USP13: variants seen among roughly 807,000 people sequenced by gnomAD.
The protein encoded by USP13 is ubiquitin specific peptidase 13, also known as ubiquitin carboxyl-terminal hydrolase 13.
In USP13, 68 loss-of-function variants were observed where a neutral mutation model predicts 107.8. The ratio of observed to expected loss-of-function variants is 0.63; its 90% CI spans 0.52 to 0.77. The LOEUF is 0.77. Among genes scored for constraint, USP13 ranks in the 30% least tolerant of loss-of-function variants. The pLI, the probability that USP13 is intolerant of heterozygous loss-of-function variation, is 0.00. For missense variants in USP13, 945 were observed against 1,093.3 expected (o/e 0.86, Z 1.91); for synonymous variants, 377 against 389.5 (o/e 0.97, Z 0.38).
intron 2 of USP13, 48 bp downstream of exon 2, chr3:179,682,051 C>T: frequency 1.3e-6 from 2 of 1,567,818 alleles, no homozygotes; most frequent in Non-Finnish European, 1.7e-6. Context: ...TTCCCTGTAA[C>T]GTTGTCTCAG....
At chr3:179,772,990 C>A (rs980064281) in intron 19 of USP13, among the ~76,000 whole-genome samples, 1 of 152,180 alleles carries the variant, frequency 6.6e-6, no homozygotes, top group Admixed American at 6.5e-5. Context: ...TCAGAGAGGG[C>A]ATGAGGGGAA....
At position 179,704,989 on chromosome 3, in the gene USP13, G is replaced by A. The variant is rs111435646; in HGVS notation, c.478-1945G>A. ...CACTCTGGCTGCTATGCAGAGAAGAGGGGCAGGGCTAGAGGGAAGGCCACG... is the reference window on the plus strand; with the variant it reads ...CACTCTGGCTGCTATGCAGAGAAGAAGGGCAGGGCTAGAGGGAAGGCCACG... On this transcript the variant is annotated intron_variant, in intron 4 of 20. Coordinates refer to ENST00000263966, the MANE Select transcript of USP13 (RefSeq NM_003940.3). Among the ~76,000 whole-genome samples the A allele has an allele frequency of 2.1e-3, 322 of 152,250 alleles. 3 individuals carry two copies. The highest frequency in any genetic ancestry group is 7.6e-3 in the African/African-American group (314 of 41,532).
At chr3:179,662,102 G>C (rs1438019515) in intron 1 of USP13, among the ~76,000 whole-genome samples, 1 of 152,168 alleles carries the variant, frequency 6.6e-6, no homozygotes, top group Non-Finnish European at 1.5e-5. Context: ...CTTCCTGCCT[G>C]TAATACCTGA....
chr3:179,682,012 G>A lies in USP13; in HGVS notation c.294+9G>A. On this transcript the variant is annotated intron_variant, in intron 2 of 20. Transcript: ENST00000263966. ...AAAGACATGTGCGAGAGGTGAGAGC[G>A]GCACTTTCAGAGAACTGGCCTTGAT... 1.9e-6 allele frequency: 3 copies of A among 1,608,412 alleles called. No individual in the cohort carries two copies. The highest frequency in any genetic ancestry group is 2.5e-6 in the Non-Finnish European group (3 of 1,176,776).
In USP13 at chr3:179,730,711, T is replaced by A; in HGVS notation, c.1254+2T>A. On this transcript the variant is annotated splice_donor_variant, in intron 10 of 20. Coordinates refer to ENST00000263966, the MANE Select transcript of USP13 (RefSeq NM_003940.3). LOFTEE classifies it high-confidence loss of function. The stretch of plus-strand genomic sequence containing the variant: ...CAGGTGATGAAGGAGGAGCACAAGG[T>A]ATGTGTCCGAGCGTTTGCCATGTTG... 6.2e-7 allele frequency: 1 copy of A among 1,613,772 alleles called. No individual in the cohort carries two copies.
In USP13 at chr3:179,787,094, G is replaced by A. The variant is rs569573140; in HGVS notation, c.*2953G>A. The A allele has an allele frequency of 2.0e-5, 3 of 152,310 alleles. No individual in the cohort carries two copies. Among genetic ancestry groups the A allele is most frequent in the East Asian group, 1.9e-4 (1 of 5,182 alleles). The allele number at this position is 152,310 out of a possible 1,614,324, so 9.4% of individuals were successfully genotyped here. On this transcript the variant is annotated 3_prime_UTR_variant, in exon 21 of 21. Coordinates refer to ENST00000263966, the MANE Select transcript of USP13 (RefSeq NM_003940.3). ...TGTGTTAGTGACACTTTACATCAACGTTGCTTCAATATTTTGGAATTGACC... is the reference window on the plus strand; with the variant it reads ...TGTGTTAGTGACACTTTACATCAACATTGCTTCAATATTTTGGAATTGACC...
chr3:179,778,734 C>T (rs1342843376), intron 19 of USP13, among the ~76,000 whole-genome samples: 1 of 151,848 alleles, frequency 6.6e-6, no homozygotes, highest in Non-Finnish European at 1.5e-5. Flanking sequence ...CCATTGCATT[C>T]CAGCCTGGGT....
rs1054455459 is a variant in USP13 at position 179,653,985 on chromosome 3, G to A, written c.168+592G>A. 6.6e-6 allele frequency among the ~76,000 whole-genome samples: 1 copy of A among 151,924 alleles called. No individual in the cohort carries two copies. The highest frequency in any genetic ancestry group is 1.5e-5 in the Non-Finnish European group (1 of 67,970). On this transcript the variant is annotated intron_variant, in intron 1 of 20. Coordinates refer to ENST00000263966, the MANE Select transcript of USP13 (RefSeq NM_003940.3). This position sits in a 1 kb window ranked among gnomAD's most constrained non-coding sequence, Gnocchi z 4.0. ...CACTTTTTAAGAGGCGGAGGCGGGC[G>A]GATCGTTTGAGGTCAGGAGTTCGAG...
intron 13 of USP13, among the ~76,000 whole-genome samples, chr3:179,745,544 T>G (rs1714376976): frequency 6.6e-6 from 1 of 151,150 alleles, no homozygotes; most frequent in South Asian, 2.1e-4. Context: ...CTTCCTTCCT[T>G]CCTCCTTCCC....
Position 179,719,955 on chromosome 3 carries a change from A to C in USP13, c.821A>C (p.Gln274Pro), listed in dbSNP as rs1222541085. The C allele has an allele frequency of 6.2e-7, 1 of 1,613,874 alleles. No homozygotes were observed. The highest frequency in any genetic ancestry group is 1.7e-5 in the Admixed American group (1 of 59,960). ...CATCCGCTAGATGTTTATTCTTTTC[A>C]AGAAGAAGAACCTGTTTTGGATCCT... ...TPDGADVYSFQEEEPVLDPHL... is the reference protein window; with the variant it reads ...TPDGADVYSFPEEEPVLDPHL... Residue 274 changes from glutamine to proline, a missense_variant, in exon 7 of 21, where the codon CAA becomes CCA. Physicochemically the swap from Gln to Pro is moderately conservative, Grantham distance 76. Transcript: ENST00000263966.
rs139686044 is a variant in USP13, at chr3:179,749,711, C to T, written c.1710-2574C>T. On this transcript the variant is annotated intron_variant, in intron 13 of 20. Transcript: ENST00000263966. ...CTACTTTCTGGTACTTTTAGATTGG[C>T]GGCTACCTATAACACAGTGATGTGT... 3.5e-4 allele frequency among the ~76,000 whole-genome samples: 53 copies of T among 152,250 alleles called. 2 individuals carry two copies. The East Asian group carries it at 6.0e-3, about 17-fold the overall frequency.
In USP13 at chr3:179,787,613, T is replaced by A. The variant is rs1715947690; in HGVS notation, c.*3472T>A. On this transcript the variant is annotated 3_prime_UTR_variant, in exon 21 of 21. Coordinates refer to ENST00000263966, the MANE Select transcript of USP13 (RefSeq NM_003940.3). ...TTTTTTGGGTAATCATCCCACTTTT[T>A]TTTTTTCTTGAGATGGAGTCTCGCT... 1 of 152,246 alleles carries A rather than the reference T, an allele frequency of 6.6e-6. No individual in the cohort carries two copies. Among genetic ancestry groups the A allele is most frequent in the Admixed American group, 6.5e-5 (1 of 15,284 alleles). 9.4% of individuals were successfully genotyped at this position (152,246 alleles called of 1,614,324 possible). A position where few individuals can be genotyped will look rare whatever the true frequency, so the allele number is the denominator to read the frequency against.
chr3:179,700,108 A>G (rs1055219015), intron 3 of USP13, among the ~76,000 whole-genome samples: 2 of 152,134 alleles, frequency 1.3e-5, no homozygotes, highest in South Asian at 2.1e-4. Flanking sequence ...TGAAATGTCC[A>G]TATACATATT....
rs1321060088 is a variant in USP13 at position 179,722,114 on chromosome 3, G to A, written c.1088+525G>A. ...CGTAAACTCAAAAACACCATACAAG[G>A]GTTTGTTATTAGTAATGGTTTCTGC... On this transcript the variant is annotated intron_variant, in intron 8 of 20. Coordinates refer to ENST00000263966, the MANE Select transcript of USP13 (RefSeq NM_003940.3). Among the ~76,000 whole-genome samples the A allele has an allele frequency of 2.6e-5, 4 of 151,454 alleles. No homozygotes were observed. The South Asian group carries it at 8.3e-4, about 32-fold the overall frequency.
At chr3:179,751,697 AAG>A (rs1714616637) in intron 13 of USP13, among the ~76,000 whole-genome samples, 1 of 152,200 alleles carries the variant, frequency 6.6e-6, no homozygotes, top group East Asian at 1.9e-4. Context: ...AGCAAAGTAA[AAG>A]TAACAATTTT....
At chr3:179,723,611 C>T (rs1713403908) in intron 8 of USP13, among the ~76,000 whole-genome samples, 1 of 152,066 alleles carries the variant, frequency 6.6e-6, no homozygotes, top group Non-Finnish European at 1.5e-5. Flanking sequence ...TGAATCTCTC[C>T]CTAGTCTTGT....
chr3:179,681,385 GA>G (rs1711647587), intron 1 of USP13, among the ~76,000 whole-genome samples: 1 of 152,096 alleles, frequency 6.6e-6, no homozygotes, highest in Admixed American at 6.6e-5. Context: ...GGCGAGGGGG[GA>G]TTTTAGCTGA....
At chr3:179,754,282 T>C (rs1361365959) in intron 14 of USP13, among the ~76,000 whole-genome samples, 1 of 152,182 alleles carries the variant, frequency 6.6e-6, no homozygotes, top group East Asian at 1.9e-4. Context: ...CATTGCACCA[T>C]TGTCTAGGGT....
intron 8 of USP13, among the ~76,000 whole-genome samples, chr3:179,723,765 A>G (rs1225122173): frequency 6.6e-6 from 1 of 152,144 alleles, no homozygotes; most frequent in African/African-American, 2.4e-5. Flanking sequence ...ATATCACTGG[A>G]TTGAAATACT....
Sources: allele counts gnomAD v4.1 joint callset (sites outside exome capture counted in the v4.1 genomes callset), GRCh38; gene constraint gnomAD v4.1.1; non-coding constraint Gnocchi (gnomAD v3.1); transcripts MANE v1.5; gene names NCBI Gene and HGNC (gene_info 2026-07-23, HGNC 2026-07-21).